CHLSN: variants seen among roughly 807,000 people sequenced by gnomAD.
The protein encoded by CHLSN is protein cholesin.
At chr7:1,028,946 C>T in the CHLSN span, 1 of 482,594 alleles carries the variant, frequency 2.1e-6, no homozygotes, top group East Asian at 1.5e-4. Flanking sequence ...TGCCCAGGCC[C>T]TGCAGGCAGA....
chr7:1,120,831 C>T, the CHLSN span, among the ~76,000 whole-genome samples: 4 of 145,750 alleles, frequency 2.7e-5, no homozygotes, highest in Non-Finnish European at 4.7e-5. Context: ...GTAGTGTGGC[C>T]GGCAGGCGGC....
the CHLSN span, chr7:1,093,679 C>T: frequency 1.5e-5 from 7 of 469,406 alleles, no homozygotes; most frequent in South Asian, 1.5e-5. Flanking sequence ...CTGTGGCTGA[C>T]GAATTTGTTT....
chr7:1,134,274 T>TAAAA, the CHLSN span, among the ~76,000 whole-genome samples: 16,036 of 151,250 alleles, frequency 0.11, 1,461 homozygotes, highest in African/African-American at 0.25. Context: ...GACTGTCTCT[T>TAAAA]AAAAGGGTGG....
the CHLSN span, chr7:1,091,643 C>T: frequency 1.3e-5 from 13 of 1,009,704 alleles, no homozygotes; most frequent in South Asian, 6.4e-5. Context: ...AGGAGAATCA[C>T]GCTTCTTTCT....
At chr7:1,058,582 C>T in the CHLSN span, 17 of 676,498 alleles carry the variant, frequency 2.5e-5, 1 homozygote, top group Admixed American at 3.1e-4. Context: ...ACCCTGGACG[C>T]TCCCCACATC....
the CHLSN span, among the ~76,000 whole-genome samples, chr7:990,417 C>A: frequency 1.3e-5 from 2 of 151,920 alleles, no homozygotes; most frequent in African/African-American, 4.8e-5. Flanking sequence ...CTGTCTGAGA[C>A]GGCCCTGGCC....
the CHLSN span, among the ~76,000 whole-genome samples, chr7:1,016,290 T>C: frequency 0.058 from 787 of 13,570 alleles, 129 homozygotes; most frequent in African/African-American, 0.22. Context: ...CACACAGCAG[T>C]GCACGCCAGC....
chr7:1,002,465 GA>G, the CHLSN span, among the ~76,000 whole-genome samples: 2 of 118,498 alleles, frequency 1.7e-5, no homozygotes, highest in African/African-American at 3.3e-5. Context: ...TCCTGTGGGT[GA>G]GTGGAGTCCT....
chr7:986,538 C>A, the CHLSN span: 2 of 1,511,262 alleles, frequency 1.3e-6, no homozygotes, highest in Non-Finnish European at 1.8e-6. Context: ...TGGGCGTGAA[C>A]ACAGCCGCTG....
At chr7:1,028,900 GTCCCCCCATC>G in the CHLSN span, 5 of 688,550 alleles carry the variant, frequency 7.3e-6, no homozygotes, top group African/African-American at 2.6e-5. Flanking sequence ...CTGACTCCAT[GTCCCCCCATC>G]TCCCCCAGTC....
At chr7:1,080,469 G>A in the CHLSN span, among the ~76,000 whole-genome samples, 1 of 152,188 alleles carries the variant, frequency 6.6e-6, no homozygotes, top group Non-Finnish European at 1.5e-5. Flanking sequence ...CCCGCGTGAC[G>A]GTCCGGGGAG....
At chr7:1,084,680 C>G in the CHLSN span, among the ~76,000 whole-genome samples, 33 of 152,212 alleles carry the variant, frequency 2.2e-4, 2 homozygotes, top group East Asian at 1.7e-3. Flanking sequence ...TGTGGGATCT[C>G]ACAGAACCGT....
At chr7:1,016,542 C>T in the CHLSN span, among the ~76,000 whole-genome samples, 11 of 146,892 alleles carry the variant, frequency 7.5e-5, no homozygotes, top group African/African-American at 2.3e-4. Context: ...CACAAAGCAG[C>T]GCACGCCAGC....
chr7:1,055,370 G>A, the CHLSN span: 987 of 470,740 alleles, frequency 2.1e-3, 1 homozygote, highest in Non-Finnish European at 3.6e-3. Context: ...GCAGAGAAGC[G>A]CAGCAGCGCG....
At chr7:1,036,092 T>C in the CHLSN span, among the ~76,000 whole-genome samples, 1 of 151,982 alleles carries the variant, frequency 6.6e-6, no homozygotes, top group Non-Finnish European at 1.5e-5. Flanking sequence ...GGTTCCGTGG[T>C]GGTCAGTGGT....
chr7:1,061,233 A>C, the CHLSN span, among the ~76,000 whole-genome samples: 1 of 152,042 alleles, frequency 6.6e-6, no homozygotes, highest in Non-Finnish European at 1.5e-5. Context: ...CCTGCATTCA[A>C]TACCCCTCAT....
At chr7:1,020,861 G>T in the CHLSN span, among the ~76,000 whole-genome samples, 1 of 152,230 alleles carries the variant, frequency 6.6e-6, no homozygotes, top group Admixed American at 6.5e-5. Context: ...GACTTTCTTG[G>T]GGGCAATCAG....
At chr7:1,001,774 TGGAGTCCTGTGGGTGG>T in the CHLSN span, among the ~76,000 whole-genome samples, 5 of 39,452 alleles carry the variant, frequency 1.3e-4, no homozygotes, top group Non-Finnish European at 1.4e-4. Flanking sequence ...TGCGGGTGAG[TGGAGTCCTGTGGGTGG>T]GGAGTCCTGT....
At chr7:989,097 C>A in the CHLSN span, 4 of 438,362 alleles carry the variant, frequency 9.1e-6, no homozygotes, top group Non-Finnish European at 1.6e-5. Flanking sequence ...ACTCTCCCAC[C>A]CCTGAAGCTG....
Sources: allele counts gnomAD v4.1 joint callset (sites outside exome capture counted in the v4.1 genomes callset), GRCh38; gene constraint gnomAD v4.1.1; transcripts MANE v1.5; gene names NCBI Gene and HGNC (gene_info 2026-07-23, HGNC 2026-07-21).